Variants in TRMT11 observed in about 807,000 individuals in gnomAD.
The protein encoded by TRMT11 is tRNA methyltransferase 11.
A neutral mutation model predicts 62.8 loss-of-function variants in TRMT11; 53 were observed. The ratio of observed to expected loss-of-function variants is 0.84; its 90% CI spans 0.68 to 1.06. The LOEUF (loss-of-function observed/expected upper bound fraction) is 1.06, where lower values mean the gene tolerates loss of function less well. TRMT11 is among the 50% of genes least tolerant of loss of function. The pLI, the probability that TRMT11 is intolerant of heterozygous loss-of-function variation, is 0.00. For synonymous variants in TRMT11, 188 were observed against 190.3 expected (o/e 0.99, Z 0.10); for missense variants, 556 against 553.4 (o/e 1.00, Z -0.05).
At chr6:126,266,924 T>C in the TRMT11 span, among the ~76,000 whole-genome samples, 1 of 152,180 alleles carries the variant, frequency 6.6e-6, no homozygotes, top group South Asian at 2.1e-4. Flanking sequence ...TCTTCCTCCT[T>C]AACCTGTAAA....
At chr6:126,252,928 T>C in the TRMT11 span, among the ~76,000 whole-genome samples, 1 of 152,204 alleles carries the variant, frequency 6.6e-6, no homozygotes, top group African/African-American at 2.4e-5. Flanking sequence ...TTTGATTGAA[T>C]TCCTCCTGTG....
chr6:126,146,867 AT>A (rs1777981307), intron 21 of TRMT11, among the ~76,000 whole-genome samples: 1 of 38,614 alleles, frequency 2.6e-5, no homozygotes, highest in African/African-American at 1.2e-4. Context: ...GTAACTACTG[AT>A]ATTACTAAAT....
intron 1 of TRMT11, among the ~76,000 whole-genome samples, chr6:126,191,421 C>T (rs1778598178): frequency 6.7e-6 from 1 of 149,694 alleles, no homozygotes; most frequent in Admixed American, 6.6e-5. Context: ...TAGTTATTTC[C>T]CTTGTTGTTC....
At chr6:126,077,361 C>G (rs1777050534) in intron 17 of TRMT11, among the ~76,000 whole-genome samples, 1 of 152,190 alleles carries the variant, frequency 6.6e-6, no homozygotes, top group Admixed American at 6.5e-5. Flanking sequence ...ACTTTGTCAT[C>G]ACTACAGCAT....
chr6:126,229,856 T>C, the TRMT11 span, among the ~76,000 whole-genome samples: 2 of 152,224 alleles, frequency 1.3e-5, no homozygotes, highest in African/African-American at 2.4e-5. Flanking sequence ...AGTTATATTA[T>C]GTAGTCTTAA....
At chr6:126,079,792 AG>A (rs1389964566) in intron 17 of TRMT11, among the ~76,000 whole-genome samples, 1 of 152,178 alleles carries the variant, frequency 6.6e-6, no homozygotes, top group Non-Finnish European at 1.5e-5. Flanking sequence ...ATCCTTGCAA[AG>A]CTCCGTGGTA....
chr6:126,026,720 G>GT (rs950231558), intron 12 of TRMT11, among the ~76,000 whole-genome samples: 6 of 150,132 alleles, frequency 4.0e-5, no homozygotes, highest in Non-Finnish European at 8.9e-5. Flanking sequence ...CATATTACTA[G>GT]TTTTTTTTAA....
chr6:126,263,960 G>C, the TRMT11 span, among the ~76,000 whole-genome samples: 1 of 152,080 alleles, frequency 6.6e-6, no homozygotes, highest in Non-Finnish European at 1.5e-5. Flanking sequence ...GTTTGTTTTC[G>C]GTTGGGCAAT....
chr6:126,237,048 A>T, the TRMT11 span, among the ~76,000 whole-genome samples: 1 of 150,234 alleles, frequency 6.7e-6, no homozygotes, highest in African/African-American at 2.5e-5. Context: ...CTTTCTAGGT[A>T]CTTGACCTCC....
chr6:126,162,636 T>G (rs1298503651), intron 21 of TRMT11, among the ~76,000 whole-genome samples: 1 of 152,236 alleles, frequency 6.6e-6, no homozygotes. Context: ...GCATTGAATC[T>G]ATAAATTACT....
chr6:126,261,427 CT>C, the TRMT11 span, among the ~76,000 whole-genome samples: 11 of 151,504 alleles, frequency 7.3e-5, no homozygotes, highest in African/African-American at 1.9e-4. Context: ...TGTTAATATC[CT>C]TTTTTTTGGA....
At chr6:126,075,794 G>A (rs935841040) in intron 17 of TRMT11, among the ~76,000 whole-genome samples, 8 of 152,086 alleles carry the variant, frequency 5.3e-5, no homozygotes, top group African/African-American at 1.9e-4. Context: ...TTTTGCTCAT[G>A]TGGGTCCAGT....
intron 17 of TRMT11, among the ~76,000 whole-genome samples, chr6:126,092,863 A>G (rs998473726): frequency 2.6e-5 from 4 of 152,222 alleles, no homozygotes; most frequent in Admixed American, 6.5e-5. Context: ...TAAATGTGAT[A>G]TACTTTTAAT....
chr6:126,047,326 A>G (rs555587170), intron 16 of TRMT11, among the ~76,000 whole-genome samples: 14 of 151,156 alleles, frequency 9.3e-5, no homozygotes, highest in Non-Finnish European at 1.9e-4. Context: ...CAAGCAGAAG[A>G]GTGGCAGAGA....
chr6:126,256,767 T>A, the TRMT11 span, among the ~76,000 whole-genome samples: 2 of 152,144 alleles, frequency 1.3e-5, no homozygotes, highest in Non-Finnish European at 1.5e-5. Context: ...TGGGAATGAG[T>A]CCCACTGTGC....
intron 17 of TRMT11, among the ~76,000 whole-genome samples, chr6:126,084,772 C>T (rs1279907204): frequency 6.6e-6 from 1 of 152,102 alleles, no homozygotes; most frequent in Non-Finnish European, 1.5e-5. Context: ...AGAAGAAAAT[C>T]CTACCAGTTG....
the TRMT11 span, among the ~76,000 whole-genome samples, chr6:126,264,860 A>G: frequency 2.6e-5 from 4 of 152,232 alleles, no homozygotes; most frequent in African/African-American, 9.6e-5. Context: ...CCAAAATCAT[A>G]TATAGTCATA....
chr6:126,194,211 A>G (rs1452058354), intron 1 of TRMT11, among the ~76,000 whole-genome samples: 1 of 152,218 alleles, frequency 6.6e-6, no homozygotes, highest in Non-Finnish European at 1.5e-5. Flanking sequence ...GATTTTCTGC[A>G]TAAGTGTTCT....
the TRMT11 span, among the ~76,000 whole-genome samples, chr6:126,233,964 TATA>T: frequency 1.3e-5 from 2 of 152,168 alleles, no homozygotes; most frequent in Non-Finnish European, 2.9e-5. Context: ...AAATAGATAT[TATA>T]ATTACTATTC....
Sources: gnomAD v4.1 joint callset for allele counts (sites outside exome capture counted in the v4.1 genomes callset) on GRCh38, gnomAD v4.1.1 for gene constraint, MANE v1.5 for transcripts, NCBI Gene and HGNC (gene_info 2026-07-23, HGNC 2026-07-21) for gene names.